ZKSCAN4: variants seen among roughly 807,000 people sequenced by gnomAD.
The protein encoded by ZKSCAN4 is zinc finger protein with KRAB and SCAN domains 4.
A neutral mutation model predicts 30.8 loss-of-function variants in ZKSCAN4; 23 were observed. The observed-to-expected ratio is 0.75, with a 90% confidence interval of 0.54 to 1.06. The LOEUF is 1.06. Ranked by LOEUF, ZKSCAN4 falls within the 50% of genes least tolerant of loss-of-function variation. The pLI is 0.00. For missense variants in ZKSCAN4, 556 were observed against 665.4 expected (o/e 0.84, Z 1.81); for synonymous variants, 208 against 252.5 (o/e 0.82, Z 1.67).
intron 4 of ZKSCAN4, 99 bp downstream of exon 4, chr6:28,246,870 C>T: frequency 7.2e-7 from 1 of 1,384,722 alleles, no homozygotes; most frequent in Non-Finnish European, 9.7e-7. Flanking sequence ...ATTCTGAATC[C>T]AAACATAATG....
At position 28,241,930 on chromosome 6, in the gene ZKSCAN4, T is replaced by C. The variant is rs2113664782; in HGVS notation, c.*3186A>G. On this transcript the variant is annotated 3_prime_UTR_variant, in exon 5 of 5. Coordinates refer to ENST00000377294, the MANE Select transcript of ZKSCAN4 (RefSeq NM_019110.5). ...AAAGGAAGAGGCAGAGAAAGTCTTT[T>C]GCAGAATTATATACGTCTTTGCCAA... 6.6e-6 allele frequency among the ~76,000 whole-genome samples: 1 copy of C among 152,286 alleles called. No homozygotes were observed. Among genetic ancestry groups the C allele is most frequent in the East Asian group, 1.9e-4 (1 of 5,182 alleles).
At chr6:28,248,012 C>A in intron 3 of ZKSCAN4, 55 bp downstream of exon 3, 1 of 1,348,614 alleles carries the variant, frequency 7.4e-7, no homozygotes, top group Non-Finnish European at 1.0e-6. Flanking sequence ...TAATGCGGAG[C>A]CCAACAGTAG....
intron 1 of ZKSCAN4, among the ~76,000 whole-genome samples, chr6:28,250,238 T>C (rs1476244489): frequency 6.6e-6 from 1 of 152,138 alleles, no homozygotes; most frequent in African/African-American, 2.4e-5. Context: ...CGGCTAATGT[T>C]TTGTACTTTT....
intron 4 of ZKSCAN4, among the ~76,000 whole-genome samples, chr6:28,246,388 TGACTGG>T: frequency 2.1e-5 from 1 of 48,478 alleles, no homozygotes; most frequent in Non-Finnish European, 3.1e-5. Flanking sequence ...AAGAAACTGG[TGACTGG>T]TGATCGATCA....
rs971785512 is a variant in ZKSCAN4, at chr6:28,243,551, AACTC to A, written c.*1561_*1564del. ...CAAAAAATTCTTATTTCTTGTGAAT[AACTC>A]ACAGCATTGAGCCTTGACATCACAT... On this transcript the variant is annotated 3_prime_UTR_variant, in exon 5 of 5. Coordinates refer to ENST00000377294, the MANE Select transcript of ZKSCAN4 (RefSeq NM_019110.5). Among the ~76,000 whole-genome samples, 2 of 152,238 alleles carry A rather than the reference AACTC, an allele frequency of 1.3e-5. No individual in the cohort carries two copies. The highest frequency in any genetic ancestry group is 6.5e-5 in the Admixed American group (1 of 15,278).
Position 28,251,337 on chromosome 6 carries a change from C to A in ZKSCAN4, c.423+221G>T. 1.4e-6 allele frequency: 1 copy of A among 695,034 alleles called. No individual in the cohort carries two copies. Among genetic ancestry groups the A allele is most frequent in the Non-Finnish European group, 2.4e-6 (1 of 421,268 alleles). The allele number at this position is 695,034 out of a possible 1,614,324, so 43.1% of individuals were successfully genotyped here. A position where few individuals can be genotyped will look rare whatever the true frequency, so the allele number is the denominator to read the frequency against. The stretch of plus-strand genomic sequence containing the variant: ...ATTTAATTCTTTGCTAACTGTATGT[C>A]AATATAGTTGTGTTCTTTTGTAATC... On this transcript the variant is annotated intron_variant, in intron 1 of 4. Transcript: ENST00000377294. The surrounding 1 kb of genome is among the most constrained non-coding windows in gnomAD (Gnocchi z 4.5).
upstream of ZKSCAN4, among the ~76,000 whole-genome samples, chr6:28,254,968 G>C (rs1327734753): frequency 6.6e-6 from 1 of 152,178 alleles, no homozygotes; most frequent in Non-Finnish European, 1.5e-5. Flanking sequence ...ATGTAACCCG[G>C]TATCTTGCTT....
the ZKSCAN4 span, among the ~76,000 whole-genome samples, chr6:28,259,140 G>T: frequency 6.6e-6 from 1 of 152,170 alleles, no homozygotes; most frequent in African/African-American, 2.4e-5. Context: ...CTCAAGTTGG[G>T]GAATATAAGT....
rs578182051 is a variant in ZKSCAN4 at position 28,251,837 on chromosome 6, G to A, written c.144C>T (p.Gly48=). ...EVRAPCSPAR[G]PERSRQRFRG... is the part of the protein sequence containing the mutation. ...GGAAGCGCTGGCGGGAGCGTTCGGG[G>A]CCCCGAGCAGGGCTGCAGGGTGCTC... The change falls in exon 1 of 5, where the codon GGC becomes GGT. Residue 48 remains glycine, a synonymous_variant. Coordinates refer to ENST00000377294, the MANE Select transcript of ZKSCAN4 (RefSeq NM_019110.5). This position sits in a 1 kb window ranked among gnomAD's most constrained non-coding sequence, Gnocchi z 4.5. 3.7e-6 allele frequency: 6 copies of A among 1,610,454 alleles called. No homozygotes were observed. The highest frequency in any genetic ancestry group is 2.7e-5 in the African/African-American group (2 of 74,796).
chr6:28,250,910 A>T (rs1760965448), intron 1 of ZKSCAN4, among the ~76,000 whole-genome samples: 1 of 152,226 alleles, frequency 6.6e-6, no homozygotes, highest in Non-Finnish European at 1.5e-5. Context: ...TTGTGTGCAC[A>T]GGGACACAGG....
chr6:28,248,221 C>T (rs1760827204), intron 2 of ZKSCAN4, 72 bp from the exon 3 acceptor site: 2 of 1,162,222 alleles, frequency 1.7e-6, no homozygotes, highest in Non-Finnish European at 2.5e-6. Flanking sequence ...AATCCAAGTT[C>T]AAAAACTGGG....
Position 28,251,399 on chromosome 6 carries a change from T to C in ZKSCAN4, c.423+159A>G, listed in dbSNP as rs2113689659. On this transcript the variant is annotated intron_variant, in intron 1 of 4. Transcript: ENST00000377294. The surrounding 1 kb of genome is among the most constrained non-coding windows in gnomAD (Gnocchi z 4.5). ...CTTTATATATTTAAAAATATAATTC[T>C]GAGAAGGAGTCCAGGGACTTCACCT... 2 of 1,110,148 alleles carry C rather than the reference T, an allele frequency of 1.8e-6. No homozygotes were observed. The highest frequency in any genetic ancestry group is 5.1e-5 in the East Asian group (2 of 38,960). The allele number at this position is 1,110,148 out of a possible 1,614,324, so 68.8% of individuals were successfully genotyped here. A position where few individuals can be genotyped will look rare whatever the true frequency, so the allele number is the denominator to read the frequency against.
In ZKSCAN4 at chr6:28,248,064, C is replaced by A; in HGVS notation, c.654+3G>T. ...CTGGGGAGGGAGAGGAGCTCCAGCT[C>A]ACCTGGGACCCTGGAGTGAGCCTGG... On this transcript the variant is annotated splice_donor_region_variant and intron_variant, in intron 3 of 4. Transcript: ENST00000377294. 1 of 1,610,072 alleles carries A rather than the reference C, an allele frequency of 6.2e-7. No individual in the cohort carries two copies.
At chr6:28,256,658 T>C (rs964781970), upstream of ZKSCAN4, among the ~76,000 whole-genome samples, 3 of 152,214 alleles carry the variant, frequency 2.0e-5, no homozygotes, top group Non-Finnish European at 4.4e-5. Flanking sequence ...CAAATGAACA[T>C]TTGCTCATCT....
At chr6:28,248,824 C>G (rs1760856948) in intron 2 of ZKSCAN4, among the ~76,000 whole-genome samples, 1 of 120,202 alleles carries the variant, frequency 8.3e-6, no homozygotes, top group African/African-American at 3.4e-5. Context: ...AGACCCCCAT[C>G]TCAAAAAAAA....
intron 4 of ZKSCAN4, 40 bp downstream of exon 4, chr6:28,246,929 T>C: frequency 1.3e-6 from 2 of 1,582,654 alleles, no homozygotes; most frequent in Non-Finnish European, 1.7e-6. Flanking sequence ...ACGCAAAGAA[T>C]GCCAAGAAAT....
chr6:28,253,410 G>A (rs1412409729), upstream of ZKSCAN4, among the ~76,000 whole-genome samples: 1 of 152,210 alleles, frequency 6.6e-6, no homozygotes, highest in Non-Finnish European at 1.5e-5. The surrounding 1 kb of genome is among the most constrained non-coding windows in gnomAD (Gnocchi z 4.2). Flanking sequence ...TTAAGAAAAT[G>A]AGAAGTCCCA....
chr6:28,251,881 C>A lies in ZKSCAN4; in HGVS notation c.100G>T (p.Ala34Ser), dbSNP rs1421361070. The change falls in exon 1 of 5, where the codon GCC becomes TCC. Residue 34 changes from alanine to serine, a missense_variant. Transcript: ENST00000377294. The surrounding 1 kb of genome is among the most constrained non-coding windows in gnomAD (Gnocchi z 4.5). ...TVKVEKEEAS[A>S]LTAEVRAPCS... ...GGTGCTCTCACCTCCGCCGTCAAGG[C>A]GGAGGCTTCCTCCTTCTCCACCTTC... 6.4e-7 allele frequency: 1 copy of A among 1,551,988 alleles called. No homozygotes were observed. The highest frequency in any genetic ancestry group is 1.2e-5 in the South Asian group (1 of 81,006).
upstream of ZKSCAN4, among the ~76,000 whole-genome samples, chr6:28,255,516 A>G (rs943525679): frequency 7.9e-5 from 12 of 152,216 alleles, no homozygotes; most frequent in African/African-American, 2.7e-4. Context: ...TTAACCACAC[A>G]ATTTTTCCTT....
Sources: allele counts gnomAD v4.1 joint callset (sites outside exome capture counted in the v4.1 genomes callset), GRCh38; gene constraint gnomAD v4.1.1; non-coding constraint Gnocchi (gnomAD v3.1); transcripts MANE v1.5; gene names NCBI Gene and HGNC (gene_info 2026-07-23, HGNC 2026-07-21).